SGCZ: variants seen among roughly 807,000 people sequenced by gnomAD.
SGCZ encodes sarcoglycan zeta, also known as zeta-sarcoglycan.
SGCZ carries 40 observed loss-of-function variants against 41.3 expected under a neutral mutation model. The ratio of observed to expected loss-of-function variants is 0.97; its 90% confidence interval spans 0.75 to 1.26. The LOEUF (loss-of-function observed/expected upper bound fraction) is 1.26. SGCZ is among the 50% of genes most tolerant of loss of function. SGCZ has a pLI of 0.00. For synonymous variants in SGCZ, 206 were observed against 137.5 expected (o/e 1.50, Z -3.49); for missense variants, 552 against 369.8 (o/e 1.49, Z -4.04).
At chr8:15,181,497 A>G (rs1563169652) in intron 1 of SGCZ, among the ~76,000 whole-genome samples, 1 of 152,184 alleles carries the variant, frequency 6.6e-6, no homozygotes, top group African/African-American at 2.4e-5. Context: ...TCATACAAAC[A>G]GTGTGAGATA....
intron 1 of SGCZ, among the ~76,000 whole-genome samples, chr8:14,573,945 G>A (rs1804634632): frequency 1.3e-5 from 2 of 152,254 alleles, no homozygotes; most frequent in Admixed American, 6.5e-5. Context: ...ATGTCCTTAA[G>A]GAAATTTGCA....
chr8:14,690,813 T>C (rs1044508042), intron 1 of SGCZ, among the ~76,000 whole-genome samples: 1 of 152,214 alleles, frequency 6.6e-6, no homozygotes, highest in Non-Finnish European at 1.5e-5. Flanking sequence ...TATTTGCTAC[T>C]TTAGAAAAAA....
intron 1 of SGCZ, among the ~76,000 whole-genome samples, chr8:14,590,465 A>T (rs1351251285): frequency 2.6e-5 from 4 of 151,650 alleles, no homozygotes; most frequent in Non-Finnish European, 5.9e-5. Context: ...ATGAAGAATT[A>T]ATAAAATCAA....
Position 14,777,832 on chromosome 8 carries a change from G to A in SGCZ, c.40-222906C>T, listed in dbSNP as rs112209633. Reference sequence around the variant, plus strand: ...GTGTGGCAAAATGTTAATTGAATCTGAGTGAAGGATATACAGAAGTTATTT... The same window carrying A: ...GTGTGGCAAAATGTTAATTGAATCTAAGTGAAGGATATACAGAAGTTATTT... On this transcript the variant is annotated intron_variant, in intron 1 of 7. Coordinates refer to ENST00000382080, the MANE Select transcript of SGCZ (RefSeq NM_139167.4). Among the ~76,000 whole-genome samples, 1,296 of 150,956 alleles carry A rather than the reference G, an allele frequency of 8.6e-3. 11 individuals are homozygous for A. The highest frequency in any genetic ancestry group is 0.024 in the South Asian group (116 of 4,784).
At chr8:14,853,060 G>A (rs113110816) in intron 1 of SGCZ, among the ~76,000 whole-genome samples, 2,371 of 152,220 alleles carry the variant, frequency 0.016, 32 homozygotes, top group African/African-American at 0.041. Flanking sequence ...TTCCAATAGC[G>A]GCCTTTGCAT....
chr8:14,442,287 C>G (rs1488887445), intron 2 of SGCZ, among the ~76,000 whole-genome samples: 3 of 152,118 alleles, frequency 2.0e-5, no homozygotes, highest in Non-Finnish European at 4.4e-5. Context: ...GAATAAGTAT[C>G]ATGAGATCTG....
chr8:14,108,013 A>T, intron 6 of SGCZ, 150 bp downstream of exon 6: 1 of 673,984 alleles, frequency 1.5e-6, no homozygotes, highest in Non-Finnish European at 2.4e-6. Flanking sequence ...TTTTTTTTCC[A>T]CATTCTTCCT....
chr8:14,935,070 C>T (rs1274398532), intron 1 of SGCZ, among the ~76,000 whole-genome samples: 2 of 146,922 alleles, frequency 1.4e-5, no homozygotes, highest in African/African-American at 2.5e-5. Flanking sequence ...CTAAAAATTA[C>T]AATATAGCTA....
intron 2 of SGCZ, among the ~76,000 whole-genome samples, chr8:14,430,073 G>T (rs1799899102): frequency 6.6e-6 from 1 of 151,800 alleles, no homozygotes; most frequent in Admixed American, 6.6e-5. Flanking sequence ...TCTGGCCAGT[G>T]GTCTCCAAGA....
At chr8:14,899,802 G>A (rs1798900875) in intron 1 of SGCZ, among the ~76,000 whole-genome samples, 1 of 151,892 alleles carries the variant, frequency 6.6e-6, no homozygotes, top group Non-Finnish European at 1.5e-5. Flanking sequence ...TACAGGAAGG[G>A]AGAAAAGTGA....
intron 3 of SGCZ, among the ~76,000 whole-genome samples, chr8:14,280,984 G>C (rs538399193): frequency 4.0e-5 from 6 of 151,794 alleles, no homozygotes; most frequent in South Asian, 4.1e-4. Context: ...TCTGAAATGA[G>C]GTTGATAGCA....
intron 5 of SGCZ, among the ~76,000 whole-genome samples, chr8:14,139,189 A>C (rs1411490181): frequency 1.3e-5 from 2 of 152,230 alleles, no homozygotes; most frequent in Non-Finnish European, 2.9e-5. Context: ...GACACATTTA[A>C]AGCAGTGTGT....
chr8:15,120,935 G>C (rs1221421689), intron 1 of SGCZ, among the ~76,000 whole-genome samples: 1 of 152,100 alleles, frequency 6.6e-6, no homozygotes, highest in East Asian at 1.9e-4. Context: ...GGCCTTCTTT[G>C]GTATCTAATC....
At chr8:14,211,729 T>C (rs113480132) in intron 4 of SGCZ, among the ~76,000 whole-genome samples, 5,862 of 152,180 alleles carry the variant, frequency 0.039, 126 homozygotes, top group Middle Eastern at 0.092. Flanking sequence ...ACTCACTCAC[T>C]ATCACAAGAA....
chr8:14,454,474 A>G lies in SGCZ; in HGVS notation c.234+100258T>C, dbSNP rs1261160753. On this transcript the variant is annotated intron_variant, in intron 2 of 7. Coordinates refer to ENST00000382080, the MANE Select transcript of SGCZ (RefSeq NM_139167.4). Reference sequence around the variant, plus strand: ...CATCCGTTAGATAAATGAAGTTAACATTTAATTCATTTAATGAATTAAGAC... The same window carrying G: ...CATCCGTTAGATAAATGAAGTTAACGTTTAATTCATTTAATGAATTAAGAC... Among the ~76,000 whole-genome samples, 5 of 152,166 alleles carry G rather than the reference A, an allele frequency of 3.3e-5. No homozygotes were observed. The South Asian group carries it at 1.0e-3, about 32-fold the overall frequency.
chr8:14,624,202 G>C (rs962823225), intron 1 of SGCZ, among the ~76,000 whole-genome samples: 1 of 152,086 alleles, frequency 6.6e-6, no homozygotes, highest in Admixed American at 6.6e-5. Context: ...TTCATTAATA[G>C]CTTATCATAT....
chr8:14,335,947 G>C (rs1209541697), intron 2 of SGCZ, among the ~76,000 whole-genome samples: 1 of 151,874 alleles, frequency 6.6e-6, no homozygotes, highest in Non-Finnish European at 1.5e-5. Context: ...TAGGTTCAGG[G>C]GTACATCTGC....
chr8:15,092,654 G>A (rs980306560), intron 1 of SGCZ, among the ~76,000 whole-genome samples: 1 of 152,152 alleles, frequency 6.6e-6, no homozygotes, highest in Admixed American at 6.6e-5. Context: ...TATCCTTGGT[G>A]ATCTTCTTAA....
intron 1 of SGCZ, among the ~76,000 whole-genome samples, chr8:14,937,590 A>T (rs991024637): frequency 1.3e-5 from 2 of 152,092 alleles, no homozygotes; most frequent in Non-Finnish European, 2.9e-5. Flanking sequence ...CTAACTCATG[A>T]ACATATATAC....
Sources: allele counts gnomAD v4.1 joint callset (sites outside exome capture counted in the v4.1 genomes callset), GRCh38; gene constraint gnomAD v4.1.1; transcripts MANE v1.5; gene names NCBI Gene and HGNC (gene_info 2026-07-23, HGNC 2026-07-21).